RASGRF1: variants seen among roughly 807,000 people sequenced by gnomAD.
RASGRF1 encodes the protein ras-specific guanine nucleotide-releasing factor 1.
In RASGRF1, 40 loss-of-function variants were observed where a neutral mutation model predicts 138.7. The observed-to-expected ratio is 0.29, with a 90% CI of 0.22 to 0.38. RASGRF1 has a LOEUF of 0.38. Ranked by LOEUF, RASGRF1 falls within the 10% of genes least tolerant of loss-of-function variation. The pLI is 1.00. For missense variants in RASGRF1, 1,108 were observed against 1,650.4 expected, an observed-to-expected ratio of 0.67 and a Z score of 5.69; for synonymous variants, 614 against 663.2, an observed-to-expected ratio of 0.93 and a Z score of 1.14.
intron 2 of RASGRF1, among the ~76,000 whole-genome samples, chr15:79,061,510 T>C (rs899671047): frequency 5.3e-5 from 8 of 151,146 alleles, no homozygotes; most frequent in Non-Finnish European, 1.0e-4. Flanking sequence ...TCAGTTTTGA[T>C]AAACGCATGC....
Position 79,049,603 on chromosome 15 carries a change from C to T in RASGRF1, c.532-15G>A, listed in dbSNP as rs762149886. 3.7e-6 allele frequency: 6 copies of T among 1,607,960 alleles called. No homozygotes were observed. Among genetic ancestry groups the T allele is most frequent in the Non-Finnish European group, 5.1e-6 (6 of 1,176,786 alleles). ...AGGGATGTGATCTGCAACAGCAACACAGGTCAGCCTGTGAGGGGCGCTGGC... is the reference window on the plus strand; with the variant it reads ...AGGGATGTGATCTGCAACAGCAACATAGGTCAGCCTGTGAGGGGCGCTGGC... On this transcript the variant is annotated splice_polypyrimidine_tract_variant and intron_variant, in intron 3 of 26. Transcript: ENST00000558480.
At chr15:79,061,289 A>C (rs1032462822) in intron 2 of RASGRF1, among the ~76,000 whole-genome samples, 1 of 151,818 alleles carries the variant, frequency 6.6e-6, no homozygotes, top group African/African-American at 2.4e-5. Context: ...GCAGAGAGAG[A>C]CCTCAGCTAA....
At chr15:78,975,497 T>TTTCC (rs1439607184) in intron 24 of RASGRF1, among the ~76,000 whole-genome samples, 2 of 148,626 alleles carry the variant, frequency 1.3e-5, no homozygotes, top group African/African-American at 2.5e-5. Flanking sequence ...CAGGTCTTCA[T>TTTCC]TTCCTTCCTT....
chr15:79,036,033 C>T (rs1257163237), intron 5 of RASGRF1, among the ~76,000 whole-genome samples: 1 of 152,222 alleles, frequency 6.6e-6, no homozygotes, highest in Non-Finnish European at 1.5e-5. Context: ...CCCCCCAACC[C>T]GTTTTCCATC....
chr15:79,039,098 C>T (rs375790500), intron 5 of RASGRF1, among the ~76,000 whole-genome samples: 10 of 151,690 alleles, frequency 6.6e-5, no homozygotes, highest in East Asian at 1.9e-4. Flanking sequence ...GCAGGAGGAT[C>T]GCTTGAGTCT....
chr15:79,090,561 C>CGTGCGCG lies in RASGRF1; in HGVS notation c.-70_-64dup, dbSNP rs2058042477. On this transcript the variant is annotated 5_prime_UTR_variant, in exon 1 of 27. Transcript: ENST00000558480. The stretch of plus-strand genomic sequence containing the variant: ...CTTCTCCGCGCAGCAGCCCCCCGTC[C>CGTGCGCG]GTGCGCGCTGCGCGCTGCCTCTCTC... 3 of 1,572,780 alleles carry CGTGCGCG rather than the reference C, an allele frequency of 1.9e-6. No individual in the cohort carries two copies. The highest frequency in any genetic ancestry group is 1.7e-6 in the Non-Finnish European group (2 of 1,161,572).
At chr15:79,070,584 G>A (rs572336518) in intron 1 of RASGRF1, among the ~76,000 whole-genome samples, 2 of 152,320 alleles carry the variant, frequency 1.3e-5, no homozygotes, top group African/African-American at 4.8e-5. Flanking sequence ...CTTGCTAGCT[G>A]TGTAACCTGG....
At chr15:78,969,770 T>C (rs887398608) in intron 26 of RASGRF1, among the ~76,000 whole-genome samples, 1 of 152,202 alleles carries the variant, frequency 6.6e-6, no homozygotes, top group Non-Finnish European at 1.5e-5. Flanking sequence ...CTTCCATGGT[T>C]GTAATAATCA....
intron 11 of RASGRF1, 51 bp from the exon 12 acceptor site, chr15:79,017,957 A>T (rs1468208988): frequency 1.9e-6 from 3 of 1,603,036 alleles, no homozygotes. Flanking sequence ...ACGCCTTTTC[A>T]GGTGGAAAAT....
chr15:79,071,544 A>AT (rs1216042809), intron 1 of RASGRF1, among the ~76,000 whole-genome samples: 1 of 130,124 alleles, frequency 7.7e-6, no homozygotes, highest in African/African-American at 3.0e-5. Context: ...TTTTTTTTGT[A>AT]TTTTTAGTAG....
chr15:79,079,611 C>T (rs1260678031), intron 1 of RASGRF1, among the ~76,000 whole-genome samples: 1 of 152,078 alleles, frequency 6.6e-6, no homozygotes, highest in East Asian at 1.9e-4. Flanking sequence ...ATTATACATG[C>T]ATGCATATAG....
At chr15:79,071,100 C>G (rs1037273015) in intron 1 of RASGRF1, among the ~76,000 whole-genome samples, 2 of 152,226 alleles carry the variant, frequency 1.3e-5, no homozygotes, top group Non-Finnish European at 2.9e-5. Context: ...AGCAAATATG[C>G]AAGGGAGATG....
chr15:79,047,158 TG>T (rs1324293011), intron 4 of RASGRF1, among the ~76,000 whole-genome samples, 159 bp from the exon 5 acceptor site: 1 of 152,266 alleles, frequency 6.6e-6, no homozygotes, highest in Non-Finnish European at 1.5e-5. Context: ...GGCATAGCTC[TG>T]TTGCCCACAT....
At chr15:78,988,910 C>A (rs891660042) in intron 22 of RASGRF1, among the ~76,000 whole-genome samples, 1 of 148,678 alleles carries the variant, frequency 6.7e-6, no homozygotes, top group Non-Finnish European at 1.5e-5. Context: ...AGCTACCACA[C>A]ACCAGTTAGG....
At chr15:79,015,477 T>G in intron 12 of RASGRF1, 68 bp from the exon 13 acceptor site, 86 of 1,389,960 alleles carry the variant, frequency 6.2e-5, no homozygotes, top group Middle Eastern at 1.9e-4. Flanking sequence ...CCAGGAGCTC[T>G]GCCAACTGTA....
chr15:79,032,011 C>T lies in RASGRF1; in HGVS notation c.1152+112G>A. On this transcript the variant is annotated intron_variant, in intron 7 of 26. Transcript: ENST00000558480. This position sits in a 1 kb window ranked among gnomAD's most constrained non-coding sequence, Gnocchi z 4.5. ...CTGGCCCTGACCACCTCCCCCGCCC[C>T]CTTTGGCAGCCCAGAGCTGGGGTGC... 1 of 1,323,438 alleles carries T rather than the reference C, an allele frequency of 7.6e-7. No homozygotes were observed. 82.0% of individuals were successfully genotyped at this position (1,323,438 alleles called of 1,614,324 possible).
intron 10 of RASGRF1, among the ~76,000 whole-genome samples, 183 bp downstream of exon 10, chr15:79,025,131 A>T (rs917806167): frequency 2.0e-5 from 3 of 152,140 alleles, no homozygotes. Flanking sequence ...CTAGTGGAAA[A>T]TCGGTCAAGT....
At chr15:79,077,535 T>G (rs934791408) in intron 1 of RASGRF1, among the ~76,000 whole-genome samples, 1 of 152,210 alleles carries the variant, frequency 6.6e-6, no homozygotes, top group South Asian at 2.1e-4. Flanking sequence ...ACACACAACG[T>G]AGGATCCAGC....
chr15:79,046,607 C>T lies in RASGRF1; in HGVS notation c.878+139G>A, dbSNP rs549770321. The stretch of plus-strand genomic sequence containing the variant: ...TATTGGGGTTGGTGGTTTCTAGCCA[C>T]GTGATCTTGGGCACTTCTGTCCTCT... On this transcript the variant is annotated intron_variant, in intron 5 of 26. Transcript: ENST00000558480. This position sits in a 1 kb window ranked among gnomAD's most constrained non-coding sequence, Gnocchi z 5.3. 3.6e-5 allele frequency: 50 copies of T among 1,391,684 alleles called. No individual in the cohort carries two copies. Among genetic ancestry groups the T allele is most frequent in the East Asian group, 2.1e-4 (9 of 43,268 alleles). The allele number at this position is 1,391,684 out of a possible 1,614,324, so 86.2% of individuals were successfully genotyped here.
Sources: gnomAD v4.1 joint callset for allele counts (sites outside exome capture counted in the v4.1 genomes callset) on GRCh38, gnomAD v4.1.1 for gene constraint, Gnocchi (gnomAD v3.1) non-coding constraint, MANE v1.5 for transcripts, NCBI Gene and HGNC (gene_info 2026-07-23, HGNC 2026-07-21) for gene names.